GABRA2: variants seen among roughly 807,000 people sequenced by gnomAD.
GABRA2 encodes gamma-aminobutyric acid receptor subunit alpha-2.
Under a neutral mutation model 48.7 loss-of-function variants are expected in GABRA2, and 16 were observed. That is an observed-to-expected ratio of 0.33 (90% CI 0.22 to 0.50). The LOEUF is 0.50. Ranked by LOEUF, GABRA2 falls within the 20% of genes least tolerant of loss-of-function variation. The pLI is 0.98. For missense variants in GABRA2, 275 were observed against 535.6 expected (o/e 0.51, Z 4.80); for synonymous variants, 185 against 184.5 (o/e 1.00, Z -0.02).
At chr4:46,259,055 C>T (rs569672433) in intron 9 of GABRA2, among the ~76,000 whole-genome samples, 4 of 151,856 alleles carry the variant, frequency 2.6e-5, no homozygotes, top group Admixed American at 2.6e-4. Flanking sequence ...TAAGCATCTT[C>T]ATAAGCTGAA....
At chr4:46,357,666 CTTTT>C (rs530230630) in intron 3 of GABRA2, among the ~76,000 whole-genome samples, 1 of 133,076 alleles carries the variant, frequency 7.5e-6, no homozygotes. Context: ...TATTTTCTTT[CTTTT>C]TTTTTTTTTT....
intron 3 of GABRA2, among the ~76,000 whole-genome samples, chr4:46,360,359 G>A (rs1456794617): frequency 2.6e-5 from 4 of 152,146 alleles, no homozygotes; most frequent in Admixed American, 1.3e-4. Context: ...TTTTTCCCAT[G>A]CTGTTCTCAT....
chr4:46,342,567 A>C (rs1733425716), intron 3 of GABRA2, among the ~76,000 whole-genome samples: 1 of 152,032 alleles, frequency 6.6e-6, no homozygotes, highest in Admixed American at 6.6e-5. Flanking sequence ...CTGTTCATTA[A>C]ACATGCCTGA....
intron 8 of GABRA2, among the ~76,000 whole-genome samples, chr4:46,268,677 C>T (rs916313215): frequency 6.6e-6 from 1 of 151,718 alleles, no homozygotes; most frequent in African/African-American, 2.4e-5. Flanking sequence ...TCCAGCAATC[C>T]CACTTCTGGG....
chr4:46,267,934 G>A (rs1460397654), intron 8 of GABRA2, among the ~76,000 whole-genome samples: 1 of 151,894 alleles, frequency 6.6e-6, no homozygotes, highest in Non-Finnish European at 1.5e-5. Context: ...GATTATGGAT[G>A]CTGAACCAGT....
chr4:46,379,890 TC>T (rs956134486), intron 3 of GABRA2, among the ~76,000 whole-genome samples: 1 of 152,130 alleles, frequency 6.6e-6, no homozygotes, highest in Non-Finnish European at 1.5e-5. Context: ...AACCTACCTT[TC>T]CCTATCTTCC....
intron 4 of GABRA2, among the ~76,000 whole-genome samples, chr4:46,327,161 C>T (rs62304121): frequency 0.088 from 13,347 of 151,878 alleles, 793 homozygotes; most frequent in South Asian, 0.19. Context: ...TACCTTCCTC[C>T]GCCTCTTCAC....
rs1717366350 is a variant in GABRA2 at position 46,385,798 on chromosome 4, T to C, written c.187+276A>G. On this transcript the variant is annotated intron_variant, in intron 3 of 9. Coordinates refer to ENST00000381620, the MANE Select transcript of GABRA2 (RefSeq NM_000807.4). ...TGCTCAATAATGCTAGATTTTAACA[T>C]ACTCTAAGTGTGAGAAAGTTAATTT... Among the ~76,000 whole-genome samples the C allele has an allele frequency of 2.6e-5, 4 of 152,110 alleles. No homozygotes were observed. In the South Asian group the frequency reaches 8.3e-4, roughly 31 times the overall value.
intron 8 of GABRA2, among the ~76,000 whole-genome samples, chr4:46,301,748 A>G (rs959503424): frequency 2.0e-5 from 3 of 152,130 alleles, no homozygotes; most frequent in Admixed American, 6.5e-5. Context: ...CAAGACCTTT[A>G]CCTTATTACC....
intron 6 of GABRA2, 44 bp from the exon 7 acceptor site, chr4:46,305,755 C>T (rs199852550): frequency 9.9e-6 from 14 of 1,420,908 alleles, no homozygotes; most frequent in Non-Finnish European, 1.4e-5. Flanking sequence ...TTAGTAAGAA[C>T]CATCAATCTA....
chr4:46,252,937 T>C (rs1442784771), intron 9 of GABRA2, among the ~76,000 whole-genome samples: 2 of 151,566 alleles, frequency 1.3e-5, no homozygotes, highest in South Asian at 2.1e-4. Flanking sequence ...TCTAACCACA[T>C]TGAGAAACAT....
intron 2 of GABRA2, chr4:46,386,782 C>G (rs1717518746): frequency 6.5e-6 from 1 of 152,834 alleles, no homozygotes; most frequent in Admixed American, 6.5e-5. Flanking sequence ...TGCCAGGCTC[C>G]ATGTAGCCAG....
At chr4:46,276,131 C>A (rs904953290) in intron 8 of GABRA2, among the ~76,000 whole-genome samples, 2 of 152,074 alleles carry the variant, frequency 1.3e-5, no homozygotes, top group African/African-American at 4.8e-5. Context: ...AAAAACTATT[C>A]TCTTGAAACA....
Position 46,312,490 on chromosome 4 carries a change from A to G in GABRA2, c.476+6T>C. 6.3e-7 allele frequency: 1 copy of G among 1,588,318 alleles called. No homozygotes were observed. Among genetic ancestry groups the G allele is most frequent in the Non-Finnish European group, 8.6e-7 (1 of 1,159,654 alleles). On this transcript the variant is annotated splice_donor_region_variant and intron_variant, in intron 5 of 9. Coordinates refer to ENST00000381620, the MANE Select transcript of GABRA2 (RefSeq NM_000807.4). ...TAAATACATCACATCAAACCTAAAA[A>G]CATACCTCATGGTATACAGCAGAGT...
At chr4:46,265,022 TAGAGAG>T (rs143456622) in intron 8 of GABRA2, among the ~76,000 whole-genome samples, 1 of 135,518 alleles carries the variant, frequency 7.4e-6, no homozygotes, top group Non-Finnish European at 1.6e-5. Context: ...GAGAGAGAGA[TAGAGAG>T]AGAGAGAGAG....
rs969940333 is a variant in GABRA2 at position 46,247,743 on chromosome 4, T to C, written c.*2565A>G. 1.3e-5 allele frequency among the ~76,000 whole-genome samples: 2 copies of C among 151,302 alleles called. No homozygotes were observed. Among genetic ancestry groups the C allele is most frequent in the Admixed American group, 1.3e-4 (2 of 15,122 alleles). ...TTAAATTTGTTTTTAAATTGGTTCA[T>C]GGAAAGGATTATAATTGTTACGAAT... On this transcript the variant is annotated 3_prime_UTR_variant, in exon 10 of 10. Coordinates refer to ENST00000381620, the MANE Select transcript of GABRA2 (RefSeq NM_000807.4).
intron 9 of GABRA2, 86 bp from the exon 10 acceptor site, chr4:46,250,690 G>A: frequency 3.1e-6 from 3 of 978,420 alleles, no homozygotes; most frequent in Non-Finnish European, 4.6e-6. Flanking sequence ...TCTGAAGGAA[G>A]GTATCCTAAT....
intron 3 of GABRA2, among the ~76,000 whole-genome samples, chr4:46,362,824 A>G (rs1461949813): frequency 6.6e-6 from 1 of 152,216 alleles, no homozygotes; most frequent in Non-Finnish European, 1.5e-5. Flanking sequence ...AGTAAAGTTA[A>G]ACTGGTGTAT....
intron 4 of GABRA2, among the ~76,000 whole-genome samples, chr4:46,317,599 G>A (rs947533586): frequency 1.3e-5 from 2 of 151,428 alleles, no homozygotes; most frequent in East Asian, 3.9e-4. Flanking sequence ...ACTTATTTTT[G>A]ATTAAACTAG....
Sources: gnomAD v4.1 joint callset for allele counts (sites outside exome capture counted in the v4.1 genomes callset) on GRCh38, gnomAD v4.1.1 for gene constraint, MANE v1.5 for transcripts, NCBI Gene and HGNC (gene_info 2026-07-23, HGNC 2026-07-21) for gene names.